The following RASEF variants were observed in gnomAD, a reference collection of about 807,000 sequenced individuals.
RASEF encodes ras and EF-hand domain-containing protein.
In RASEF, 68 loss-of-function variants were observed where a neutral mutation model predicts 90.1. That is an observed-to-expected ratio of 0.75 (90% CI 0.62 to 0.92). The LOEUF (loss-of-function observed/expected upper bound fraction) is 0.92, where lower values mean the gene tolerates loss of function less well. RASEF is among the 40% of genes least tolerant of loss of function. The pLI is 0.00. For missense variants in RASEF, 949 were observed against 937.2 expected (o/e 1.01, Z -0.16); for synonymous variants, 331 against 345.2 (o/e 0.96, Z 0.46).
In RASEF at chr9:82,999,791, A is replaced by T. The variant is rs565626805; in HGVS notation, c.1723+378T>A. 1.2e-4 allele frequency among the ~76,000 whole-genome samples: 18 copies of T among 152,030 alleles called. No homozygotes were observed. In the South Asian group the frequency reaches 1.5e-3, roughly 12 times the overall value. The stretch of plus-strand genomic sequence containing the variant: ...ACTAATTTTTGTATTTTTGGTAGAG[A>T]TGGGGTTTCGCCATGTTGGCCAGGC... On this transcript the variant is annotated intron_variant, in intron 12 of 16. Transcript: ENST00000376447.
the RASEF span, among the ~76,000 whole-genome samples, chr9:83,143,190 C>A: frequency 6.6e-6 from 1 of 152,072 alleles, no homozygotes; most frequent in Non-Finnish European, 1.5e-5. Flanking sequence ...CTGAAGCAAA[C>A]CCTGCTTGCA....
At chr9:83,049,211 T>C in intron 1 of RASEF, 6 of 566,616 alleles carry the variant, frequency 1.1e-5, no homozygotes, top group Non-Finnish European at 1.3e-5. Context: ...TGAACAAACA[T>C]AAATCAGATA....
chr9:83,179,092 A>G, the RASEF span, among the ~76,000 whole-genome samples: 3 of 152,282 alleles, frequency 2.0e-5, no homozygotes, highest in South Asian at 6.2e-4. Flanking sequence ...GTTTATTTTC[A>G]CAGTACTTAT....
intron 1 of RASEF, among the ~76,000 whole-genome samples, chr9:83,037,101 A>G (rs1040029052): frequency 1.3e-5 from 2 of 152,170 alleles, no homozygotes; most frequent in Non-Finnish European, 2.9e-5. Flanking sequence ...GCAGCTGCAG[A>G]AGGCTTACTT....
chr9:83,162,126 C>T, the RASEF span, among the ~76,000 whole-genome samples: 1 of 152,122 alleles, frequency 6.6e-6, no homozygotes, highest in Non-Finnish European at 1.5e-5. Flanking sequence ...ATTATCTTTC[C>T]TTTAGCAGAA....
the RASEF span, among the ~76,000 whole-genome samples, chr9:83,097,078 T>C: frequency 6.6e-6 from 1 of 152,182 alleles, no homozygotes; most frequent in African/African-American, 2.4e-5. Context: ...TTGTGAATAG[T>C]GCCGCAATAA....
At chr9:83,034,348 A>G (rs1829702085) in intron 1 of RASEF, among the ~76,000 whole-genome samples, 1 of 152,166 alleles carries the variant, frequency 6.6e-6, no homozygotes. Context: ...TGATCAGAGG[A>G]GTTTCTAATC....
intron 2 of RASEF, among the ~76,000 whole-genome samples, chr9:83,023,054 T>A (rs1357179979): frequency 6.6e-6 from 1 of 152,174 alleles, no homozygotes; most frequent in Non-Finnish European, 1.5e-5. Flanking sequence ...AGGCTCTCAA[T>A]AAATTCTGAA....
intron 1 of RASEF, among the ~76,000 whole-genome samples, chr9:83,043,559 C>T (rs1383185669): frequency 6.6e-6 from 1 of 152,186 alleles, no homozygotes; most frequent in Non-Finnish European, 1.5e-5. Context: ...AATACATTCA[C>T]AAAATATACA....
intron 3 of RASEF, among the ~76,000 whole-genome samples, chr9:83,021,513 CAT>C (rs1456402160): frequency 6.6e-6 from 1 of 152,232 alleles, no homozygotes; most frequent in Non-Finnish European, 1.5e-5. Context: ...CTGAAGGTAA[CAT>C]ATCACTTTCA....
chr9:83,159,827 G>A, the RASEF span, among the ~76,000 whole-genome samples: 6 of 152,188 alleles, frequency 3.9e-5, no homozygotes. Flanking sequence ...TCGTTCCCAT[G>A]TATTGTGGGA....
Position 83,025,783 on chromosome 9 carries a change from C to T in RASEF, c.570G>A (p.Ala190=), listed in dbSNP as rs781557859. The T allele has an allele frequency of 2.4e-5, 38 of 1,613,330 alleles. No individual in the cohort carries two copies. The highest frequency in any genetic ancestry group is 5.5e-5 in the South Asian group (5 of 90,874). Residue 190 remains alanine, a synonymous_variant, in exon 2 of 17, where the codon GCG becomes GCA. Transcript: ENST00000376447. ...QSTEMENLAI[A]VKRAQDKAAM... ...AGGAAGGACTTCAATACCTCTTCAC[C>T]GCAATGGCCAAATTTTCCATTTCTG...
At chr9:83,027,438 C>G (rs1047346302) in intron 1 of RASEF, among the ~76,000 whole-genome samples, 1 of 152,164 alleles carries the variant, frequency 6.6e-6, no homozygotes, top group Non-Finnish European at 1.5e-5. Context: ...CAGCTACCAG[C>G]CTTCTCACTA....
the RASEF span, among the ~76,000 whole-genome samples, chr9:83,073,538 T>C: frequency 2.0e-5 from 3 of 152,340 alleles, no homozygotes; most frequent in Non-Finnish European, 4.4e-5. Flanking sequence ...CAATATTTTC[T>C]AGAGATTCAT....
At chr9:83,074,564 AT>A in the RASEF span, among the ~76,000 whole-genome samples, 1 of 152,234 alleles carries the variant, frequency 6.6e-6, no homozygotes, top group Admixed American at 6.5e-5. Flanking sequence ...TTTAAAAAAA[AT>A]CAAAAGAAAC....
chr9:83,010,534 C>T (rs1384486103), intron 5 of RASEF, among the ~76,000 whole-genome samples: 1 of 151,966 alleles, frequency 6.6e-6, no homozygotes, highest in African/African-American at 2.4e-5. Flanking sequence ...GTGACCGGGC[C>T]GAACCCCAGA....
chr9:83,111,429 G>A, the RASEF span, among the ~76,000 whole-genome samples: 2 of 152,048 alleles, frequency 1.3e-5, no homozygotes, highest in Non-Finnish European at 2.9e-5. Context: ...CTAAAATATA[G>A]CATGGTACTA....
At chr9:83,114,113 G>A in the RASEF span, among the ~76,000 whole-genome samples, 4 of 152,154 alleles carry the variant, frequency 2.6e-5, no homozygotes, top group African/African-American at 9.7e-5. Context: ...CCCGAATGGA[G>A]GGACCAGCTG....
At chr9:83,187,228 C>T in the RASEF span, among the ~76,000 whole-genome samples, 4 of 152,160 alleles carry the variant, frequency 2.6e-5, no homozygotes, top group African/African-American at 9.7e-5. Flanking sequence ...CCCATGTAGT[C>T]CTGTCTGGCG....
Sources: gnomAD v4.1 joint callset for allele counts (sites outside exome capture counted in the v4.1 genomes callset) on GRCh38, gnomAD v4.1.1 for gene constraint, MANE v1.5 for transcripts, NCBI Gene and HGNC (gene_info 2026-07-23, HGNC 2026-07-21) for gene names.